The following CACNA1D variants were observed in gnomAD, a reference collection of about 807,000 sequenced individuals.
The protein encoded by CACNA1D is voltage-dependent L-type calcium channel subunit alpha-1D.
CACNA1D carries 55 observed loss-of-function variants against 257.1 expected under a neutral mutation model. The ratio of observed to expected loss-of-function variants is 0.21; its 90% CI spans 0.17 to 0.27. CACNA1D has a LOEUF of 0.27. Ranked by LOEUF, CACNA1D falls within the 10% of genes least tolerant of loss-of-function variation. The pLI, the probability that CACNA1D is intolerant of heterozygous loss-of-function variation, is 1.00. For missense variants in CACNA1D, 1,876 were observed against 2,784.0 expected (o/e 0.67, Z 7.34); for synonymous variants, 980 against 1,014.9 (o/e 0.97, Z 0.65).
At chr3:53,685,813 A>G (rs893755386) in intron 8 of CACNA1D, among the ~76,000 whole-genome samples, 4 of 152,148 alleles carry the variant, frequency 2.6e-5, no homozygotes, top group African/African-American at 9.6e-5. Context: ...ATTTATAGCT[A>G]TATCAGTAAG....
chr3:53,718,171 CCCTGAGGGCCCTTTTCACCCTCCT>C lies in CACNA1D; in HGVS notation c.1391-125_1391-102del, dbSNP rs370765595. ...TGGCACTCCCTTAGCCCAGCTGAGGCCCTGAGGGCCCTTTTCACCCTCCTCCTGGGTTCCGGAGGTCTGCCTGGT... is the reference window on the plus strand; with the variant it reads ...TGGCACTCCCTTAGCCCAGCTGAGGCCCTGGGTTCCGGAGGTCTGCCTGGT... On this transcript the variant is annotated intron_variant, in intron 9 of 47. Transcript: ENST00000350061. 1.9e-4 allele frequency: 151 copies of C among 782,570 alleles called. 1 individual carries two copies. The African/African-American group carries it at 2.3e-3, about 12-fold the overall frequency. 48.5% of individuals were successfully genotyped at this position (782,570 alleles called of 1,614,324 possible).
intron 19 of CACNA1D, among the ~76,000 whole-genome samples, chr3:53,734,886 CA>C (rs1354183538): frequency 5.9e-5 from 9 of 152,210 alleles, no homozygotes; most frequent in African/African-American, 2.2e-4. Flanking sequence ...CTTGCACCTG[CA>C]AGACAAGCCT....
chr3:53,734,633 G>C (rs2095039885), intron 19 of CACNA1D, among the ~76,000 whole-genome samples: 2 of 152,244 alleles, frequency 1.3e-5, no homozygotes, highest in South Asian at 4.2e-4. Flanking sequence ...TTTGAGCCCA[G>C]GTGTCAGGCA....
rs370790958 is a variant in CACNA1D at position 53,739,226 on chromosome 3, C to T, written c.2752-1054C>T. On this transcript the variant is annotated intron_variant, in intron 20 of 47. Transcript: ENST00000350061. The stretch of plus-strand genomic sequence containing the variant: ...CCTGTGACTAGCTGCGTGGCCTATG[C>T]GTGTGTCCACTCCCTGCTCCCAGCA... Among the ~76,000 whole-genome samples, 51 of 152,334 alleles carry T rather than the reference C, an allele frequency of 3.3e-4. No individual in the cohort carries two copies. The South Asian group carries it at 4.8e-3, about 14-fold the overall frequency.
In CACNA1D at chr3:53,786,841, G is replaced by C. The variant is rs1212384740; in HGVS notation, c.4812G>C (p.Gly1604=). 1 of 1,613,488 alleles carries C rather than the reference G, an allele frequency of 6.2e-7. No homozygotes were observed. The highest frequency in any genetic ancestry group is 8.5e-7 in the Non-Finnish European group (1 of 1,179,656). ...GTTTAGATGATGAGGTAACCGTGGG[G>C]AAGTTCTATGCCACTTTCCTGATAC... ...PPAGDDEVTV[G]KFYATFLIQD... The change falls in exon 40 of 48, where the codon GGG becomes GGC. Residue 1604 remains glycine, a synonymous_variant. Coordinates refer to ENST00000350061, the MANE Select transcript of CACNA1D (RefSeq NM_001128840.3).
chr3:53,536,843 G>A (rs1042578949), intron 3 of CACNA1D, among the ~76,000 whole-genome samples: 9 of 152,216 alleles, frequency 5.9e-5, no homozygotes, highest in African/African-American at 2.2e-4. Flanking sequence ...TTGCTGTCTG[G>A]TCCTTTACAG....
rs189904522 is a variant in CACNA1D, at chr3:53,648,098, C to T, written c.484-2681C>T. ...AAGCTTTGTTTGGGAGGTGTACTGT[C>T]TGTTCTCTGCCTTGTTTTTCTGCTC... On this transcript the variant is annotated intron_variant, in intron 3 of 47. Transcript: ENST00000350061. 2.0e-5 allele frequency among the ~76,000 whole-genome samples: 3 copies of T among 152,270 alleles called. No individual in the cohort carries two copies. In the East Asian group the frequency reaches 5.8e-4, roughly 29 times the overall value.
chr3:53,540,994 G>A (rs1056940675), intron 3 of CACNA1D, among the ~76,000 whole-genome samples: 5 of 152,040 alleles, frequency 3.3e-5, no homozygotes, highest in African/African-American at 7.2e-5. Flanking sequence ...CATTTGCCTC[G>A]GCCTCCCAAA....
intron 3 of CACNA1D, among the ~76,000 whole-genome samples, chr3:53,505,285 A>G (rs1172622826): frequency 2.0e-5 from 3 of 151,170 alleles, no homozygotes; most frequent in Admixed American, 1.3e-4. Context: ...ATATTTTTGT[A>G]TTTTTAGTAG....
intron 3 of CACNA1D, among the ~76,000 whole-genome samples, chr3:53,606,473 T>A (rs1206982695): frequency 2.0e-5 from 3 of 152,262 alleles, no homozygotes; most frequent in African/African-American, 7.2e-5. Flanking sequence ...TGGTGGGAAC[T>A]GGCTGCTTTG....
At chr3:53,591,489 G>A (rs555999766) in intron 3 of CACNA1D, among the ~76,000 whole-genome samples, 1 of 152,190 alleles carries the variant, frequency 6.6e-6, no homozygotes, top group Non-Finnish European at 1.5e-5. Flanking sequence ...CCTGAGCTCA[G>A]GCAATTCGCC....
At chr3:53,544,199 C>T (rs1027083493) in intron 3 of CACNA1D, among the ~76,000 whole-genome samples, 1 of 152,058 alleles carries the variant, frequency 6.6e-6, no homozygotes, top group Admixed American at 6.6e-5. Flanking sequence ...GTCATCTTGT[C>T]CCAAAGTGTC....
Position 53,770,510 on chromosome 3 carries a change from A to T in CACNA1D, c.4002A>T (p.Glu1334Asp). 2 of 1,613,792 alleles carry T rather than the reference A, an allele frequency of 1.2e-6. No homozygotes were observed. Among genetic ancestry groups the T allele is most frequent in the East Asian group, 2.2e-5 (1 of 44,882 alleles). ...MRLVKLLSRG[E>D]GIRTLLWTFI... is the part of the protein sequence containing the mutation. ...TGGTGAAGCTTCTCAGCAGGGGGGA[A>T]GGCATCCGGACATTGCTGTGGACTT... The change falls in exon 32 of 48, where the codon GAA becomes GAT. Residue 1334 changes from glutamate (E) to aspartate (D), a missense_variant. Physicochemically the swap from Glu to Asp is conservative, Grantham distance 45. Coordinates refer to ENST00000350061, the MANE Select transcript of CACNA1D (RefSeq NM_001128840.3).
chr3:53,745,553 G>C lies in CACNA1D; in HGVS notation c.3007-71G>C, dbSNP rs2612024. The C allele has an allele frequency of 0.83, 762,849 of 917,460 alleles. 320,681 individuals are homozygous for C. Among genetic ancestry groups the C allele is most frequent in the East Asian group, 1 (41,058 of 41,082 alleles). The allele number at this position is 917,460 out of a possible 1,614,324, so 56.8% of individuals were successfully genotyped here. On this transcript the variant is annotated intron_variant, in intron 23 of 47. Coordinates refer to ENST00000350061, the MANE Select transcript of CACNA1D (RefSeq NM_001128840.3). ...ACTGTGCCTGGCCAACACAGAAACT[G>C]TCGGCTGATGTTAGCTCACCTCAAG... is the stretch of plus-strand genomic sequence containing the variant.
rs72556354 is a variant in CACNA1D at position 53,495,388 on chromosome 3, C to T, written c.67+155C>T. On this transcript the variant is annotated intron_variant, in intron 1 of 47. Transcript: ENST00000350061. This position sits in a 1 kb window ranked among gnomAD's most constrained non-coding sequence, Gnocchi z 5.1. ...CTACACAGAGAGGGGACATGCGTGA[C>T]AGCCACTCCGCGCTCCCCTCCAGGC... Among the ~76,000 whole-genome samples, 300 of 152,318 alleles carry T rather than the reference C, an allele frequency of 2.0e-3. 3 individuals are homozygous for T. The highest frequency in any genetic ancestry group is 6.5e-3 in the African/African-American group (271 of 41,574).
intron 3 of CACNA1D, among the ~76,000 whole-genome samples, chr3:53,617,925 C>T (rs772504747): frequency 2.6e-5 from 4 of 152,166 alleles, no homozygotes; most frequent in Non-Finnish European, 5.9e-5. Flanking sequence ...ATCATTTCCA[C>T]CCTTTTGTCC....
chr3:53,743,148 G>T lies in CACNA1D; in HGVS notation c.2918+31G>T, dbSNP rs776342031. 5.2e-6 allele frequency: 7 copies of T among 1,350,882 alleles called. No individual in the cohort carries two copies. The East Asian group carries it at 1.1e-4, about 22-fold the overall frequency. The allele number at this position is 1,350,882 out of a possible 1,614,324, so 83.7% of individuals were successfully genotyped here. ...TATTCTGGGGTGTGTGCCCAGAATT[G>T]TTGGGCTGAATGGTTTATGTAAGGG... On this transcript the variant is annotated intron_variant, in intron 22 of 47. Transcript: ENST00000350061.
intron 3 of CACNA1D, among the ~76,000 whole-genome samples, chr3:53,614,868 C>T (rs1219869740): frequency 3.3e-5 from 5 of 152,214 alleles, no homozygotes; most frequent in African/African-American, 9.6e-5. Context: ...ATACTCCTTG[C>T]TGGCTATCTT....
At chr3:53,698,329 A>G (rs563526446) in intron 8 of CACNA1D, among the ~76,000 whole-genome samples, 2 of 152,340 alleles carry the variant, frequency 1.3e-5, no homozygotes, top group African/African-American at 2.4e-5. Context: ...TAATATGTCT[A>G]AGATAGTTTC....
Sources: allele counts gnomAD v4.1 joint callset (sites outside exome capture counted in the v4.1 genomes callset), GRCh38; gene constraint gnomAD v4.1.1; non-coding constraint Gnocchi (gnomAD v3.1); transcripts MANE v1.5; gene names NCBI Gene and HGNC (gene_info 2026-07-23, HGNC 2026-07-21).